The following KIAA0319L variants were observed in gnomAD, a reference collection of about 807,000 sequenced individuals.
The protein encoded by KIAA0319L is KIAA0319 like, also known as dyslexia-associated protein KIAA0319-like protein.
A neutral mutation model predicts 120.1 loss-of-function variants in KIAA0319L; 55 were observed. The ratio of observed to expected loss-of-function variants is 0.46; its 90% CI spans 0.37 to 0.57. The LOEUF (loss-of-function observed/expected upper bound fraction) is 0.57, where lower values mean the gene tolerates loss of function less well. Ranked by LOEUF, KIAA0319L falls within the 20% of genes least tolerant of loss-of-function variation. KIAA0319L has a pLI of 0.00. For synonymous variants in KIAA0319L, 398 were observed against 471.9 expected, an observed-to-expected ratio of 0.84 and a Z score of 2.03; for missense variants, 1,049 against 1,255.3, an observed-to-expected ratio of 0.84 and a Z score of 2.48.
At position 35,451,271 on chromosome 1, in the gene KIAA0319L, C is replaced by A. The variant is rs112340041; in HGVS notation, c.2062+357G>T. ...GTGTCACTGTAGCTAACAGGAGTCA[C>A]GGCCCAGGTCTCAGCAATGCAGAGG... On this transcript the variant is annotated intron_variant, in intron 13 of 20. Coordinates refer to ENST00000325722, the MANE Select transcript of KIAA0319L (RefSeq NM_024874.5). Among the ~76,000 whole-genome samples the A allele has an allele frequency of 1.0e-3, 152 of 152,254 alleles. 1 individual carries two copies. Among genetic ancestry groups the A allele is most frequent in the African/African-American group, 3.5e-3 (145 of 41,544 alleles).
intron 2 of KIAA0319L, among the ~76,000 whole-genome samples, chr1:35,519,869 C>T (rs1453026432): frequency 1.3e-5 from 2 of 152,166 alleles, no homozygotes; most frequent in African/African-American, 2.4e-5. Flanking sequence ...TCAACCTCTC[C>T]AGCACTGATA....
intron 2 of KIAA0319L, among the ~76,000 whole-genome samples, chr1:35,519,713 T>C (rs912721343): frequency 2.0e-5 from 3 of 152,188 alleles, no homozygotes; most frequent in East Asian, 1.9e-4. Flanking sequence ...CAAAGTTCTT[T>C]TTAAAAAGAA....
Position 35,437,020 on chromosome 1 carries a change from C to T in KIAA0319L, c.2963-1939G>A, listed in dbSNP as rs986052253. ...AGCCCAGAACAAGAACCAGTGCTTCCGGCCTGCTCAGACCCACACCGAACC... is the reference window on the plus strand; with the variant it reads ...AGCCCAGAACAAGAACCAGTGCTTCTGGCCTGCTCAGACCCACACCGAACC... On this transcript the variant is annotated intron_variant, in intron 20 of 20. Transcript: ENST00000325722. This position sits in a 1 kb window ranked among gnomAD's most constrained non-coding sequence, Gnocchi z 4.1. 3.3e-5 allele frequency among the ~76,000 whole-genome samples: 5 copies of T among 152,174 alleles called. No individual in the cohort carries two copies. Among genetic ancestry groups the T allele is most frequent in the Admixed American group, 1.3e-4 (2 of 15,284 alleles).
chr1:35,470,050 TAG>T (rs1401648483), intron 6 of KIAA0319L, among the ~76,000 whole-genome samples: 1 of 152,022 alleles, frequency 6.6e-6, no homozygotes, highest in Non-Finnish European at 1.5e-5. Flanking sequence ...TAATTTTTTG[TAG>T]AGACAGGGTC....
chr1:35,510,974 G>A (rs72899224), intron 2 of KIAA0319L: 13,882 of 152,148 alleles, frequency 0.091, 1,394 homozygotes, highest in East Asian at 0.44. Flanking sequence ...AACTTTGTTG[G>A]AGCATCAGAA....
chr1:35,473,355 C>T (rs1474283777), intron 5 of KIAA0319L, among the ~76,000 whole-genome samples: 2 of 152,042 alleles, frequency 1.3e-5, no homozygotes, highest in African/African-American at 4.8e-5. Flanking sequence ...ACCTCAGCCT[C>T]CCAAAGTACC....
chr1:35,454,674 C>T, intron 10 of KIAA0319L, 189 bp from the exon 11 acceptor site: 1 of 1,368,674 alleles, frequency 7.3e-7, no homozygotes, highest in Non-Finnish European at 9.5e-7. Flanking sequence ...TAAGGGTTTC[C>T]CCCTTCAAGG....
At chr1:35,465,134 G>C (rs1029580723) in intron 7 of KIAA0319L, among the ~76,000 whole-genome samples, 2 of 152,222 alleles carry the variant, frequency 1.3e-5, no homozygotes, top group African/African-American at 2.4e-5. Flanking sequence ...GTGGAGTTGT[G>C]AGAAAAGGGC....
At chr1:35,476,962 T>C (rs77890174) in intron 4 of KIAA0319L, among the ~76,000 whole-genome samples, 1 of 152,272 alleles carries the variant, frequency 6.6e-6, no homozygotes, top group East Asian at 1.9e-4. Context: ...TATGTATAAA[T>C]CTACTTCTTA....
At chr1:35,484,546 T>G (rs1424387817) in intron 3 of KIAA0319L, among the ~76,000 whole-genome samples, 1 of 152,112 alleles carries the variant, frequency 6.6e-6, no homozygotes, top group Non-Finnish European at 1.5e-5. Flanking sequence ...TTATGCAGAT[T>G]CTTTAGAATT....
intron 2 of KIAA0319L, among the ~76,000 whole-genome samples, chr1:35,517,696 A>C (rs1271809784): frequency 6.6e-6 from 1 of 152,168 alleles, no homozygotes. Context: ...AAAAGCAATC[A>C]CAACAAAAGC....
chr1:35,476,205 T>G (rs1570740193), intron 4 of KIAA0319L, among the ~76,000 whole-genome samples: 1 of 152,212 alleles, frequency 6.6e-6, no homozygotes, highest in South Asian at 2.1e-4. Context: ...GGTAATTCTT[T>G]GTCATGGAGG....
rs537543040 is a variant in KIAA0319L at position 35,442,295 on chromosome 1, CAAT to C, written c.2818_2820del (p.Ile940del). On this transcript the variant is annotated inframe_deletion, in exon 19 of 21. Coordinates refer to ENST00000325722, the MANE Select transcript of KIAA0319L (RefSeq NM_024874.5). ...CAAGACAGGATTCCCAAGGCAACAA[CAAT>C]GACAAAGGTAGCAATGATAACATAT... 42 of 1,613,928 alleles carry C rather than the reference CAAT, an allele frequency of 2.6e-5. No individual in the cohort carries two copies. The highest frequency in any genetic ancestry group is 2.9e-5 in the Non-Finnish European group (34 of 1,179,918).
At chr1:35,549,741 G>C (rs1198424716) in intron 2 of KIAA0319L, among the ~76,000 whole-genome samples, 1 of 152,162 alleles carries the variant, frequency 6.6e-6, no homozygotes. Context: ...GGTCTCAAAA[G>C]CATTGGTCTC....
chr1:35,498,130 C>T (rs1355104528), intron 3 of KIAA0319L, among the ~76,000 whole-genome samples: 2 of 152,000 alleles, frequency 1.3e-5, no homozygotes, highest in East Asian at 1.9e-4. Flanking sequence ...GTCAGGAGTT[C>T]GAGACCAGCC....
At chr1:35,503,091 C>T (rs1244566094) in intron 3 of KIAA0319L, among the ~76,000 whole-genome samples, 1 of 148,662 alleles carries the variant, frequency 6.7e-6, no homozygotes, top group Non-Finnish European at 1.5e-5. Context: ...CTTTACCCCA[C>T]TCTCTAAACC....
chr1:35,435,151 C>T, intron 20 of KIAA0319L, 70 bp from the exon 21 acceptor site: 2 of 1,424,912 alleles, frequency 1.4e-6, no homozygotes, highest in South Asian at 2.5e-5. Flanking sequence ...CACACCTTAC[C>T]CCAGCCTGAG....
At chr1:35,504,570 A>G (rs1476947339) in intron 3 of KIAA0319L, among the ~76,000 whole-genome samples, 1 of 152,124 alleles carries the variant, frequency 6.6e-6, no homozygotes, top group African/African-American at 2.4e-5. Context: ...GTGTTAATCG[A>G]CTGTTTATCT....
At chr1:35,443,753 T>C (rs1252494518) in intron 17 of KIAA0319L, among the ~76,000 whole-genome samples, 1 of 152,030 alleles carries the variant, frequency 6.6e-6, no homozygotes, top group Non-Finnish European at 1.5e-5. Context: ...ACTATCATAA[T>C]TTTGAAGTAG....
Sources: allele counts gnomAD v4.1 joint callset (sites outside exome capture counted in the v4.1 genomes callset), GRCh38; gene constraint gnomAD v4.1.1; non-coding constraint Gnocchi (gnomAD v3.1); transcripts MANE v1.5; gene names NCBI Gene and HGNC (gene_info 2026-07-23, HGNC 2026-07-21).